DGKQ: variants seen among roughly 807,000 people sequenced by gnomAD.
The protein encoded by DGKQ is DAG kinase theta.
Under a neutral mutation model 104.2 loss-of-function variants are expected in DGKQ, and 97 were observed. That is an observed-to-expected ratio of 0.93 (90% CI 0.79 to 1.10). DGKQ has a LOEUF of 1.10. DGKQ is among the 50% of genes least tolerant of loss of function. The pLI, the probability that DGKQ is intolerant of heterozygous loss-of-function variation, is 0.00. For synonymous variants in DGKQ, 736 were observed against 595.2 expected (o/e 1.24, Z -3.44); for missense variants, 1,465 against 1,352.1 (o/e 1.08, Z -1.31).
intron 13 of DGKQ, among the ~76,000 whole-genome samples, 179 bp from the exon 14 acceptor site, chr4:965,708 C>T (rs544370106): frequency 6.6e-6 from 1 of 152,322 alleles, no homozygotes; most frequent in South Asian, 2.1e-4. Context: ...ACAGGACCCC[C>T]CAGAGGGAGA....
chr4:962,981 C>T (rs1712005366), intron 16 of DGKQ, 61 bp from the exon 17 acceptor site: 1 of 1,550,564 alleles, frequency 6.4e-7, no homozygotes, highest in Non-Finnish European at 8.7e-7. Flanking sequence ...CCCACCCAGG[C>T]TGCCTCTTCC....
chr4:960,113 G>A lies in DGKQ; in HGVS notation c.*507C>T, dbSNP rs983845971. 7.0e-5 allele frequency: 11 copies of A among 157,490 alleles called. No homozygotes were observed. Among genetic ancestry groups the A allele is most frequent in the Admixed American group, 1.9e-4 (3 of 16,132 alleles). The allele number at this position is 157,490 out of a possible 1,614,324, so 9.8% of individuals were successfully genotyped here. ...GCTGCCCACACCTGCTGCCCAGGGC[G>A]GGGAGGTGAGGCTGGAGGGACTGGC... On this transcript the variant is annotated 3_prime_UTR_variant, in exon 23 of 23. Coordinates refer to ENST00000273814, the MANE Select transcript of DGKQ (RefSeq NM_001347.4).
Position 973,537 on chromosome 4 carries a change from G to A in DGKQ, c.-55C>T, listed in dbSNP as rs1248017559. On this transcript the variant is annotated 5_prime_UTR_variant, in exon 1 of 23. Coordinates refer to ENST00000273814, the MANE Select transcript of DGKQ (RefSeq NM_001347.4). ...GGTCCGCGCCGGGGGTACAGGAGCC[G>A]CCGCTCCACGGCCCGGTACACTGCT... is the stretch of plus-strand genomic sequence containing the variant. 6.1e-6 allele frequency: 6 copies of A among 983,514 alleles called. No individual in the cohort carries two copies. Among genetic ancestry groups the A allele is most frequent in the East Asian group, 1.1e-4 (1 of 8,836 alleles). 60.9% of individuals were successfully genotyped at this position (983,514 alleles called of 1,614,324 possible).
chr4:970,188 C>T (rs981882063), intron 2 of DGKQ, among the ~76,000 whole-genome samples: 2 of 152,242 alleles, frequency 1.3e-5, no homozygotes, highest in Non-Finnish European at 2.9e-5. Context: ...GCCGGATGCC[C>T]GCCAGTGGCA....
At chr4:970,017 C>T (rs1011203059) in intron 2 of DGKQ, among the ~76,000 whole-genome samples, 3 of 152,252 alleles carry the variant, frequency 2.0e-5, no homozygotes, top group Admixed American at 1.3e-4. Flanking sequence ...TTTTAAAAAG[C>T]GGCAGCCTCG....
intron 2 of DGKQ, 50 bp downstream of exon 2, chr4:970,943 T>C: frequency 7.0e-7 from 1 of 1,435,146 alleles, no homozygotes; most frequent in South Asian, 1.2e-5. Context: ...CTACGAGAGC[T>C]GACACATCCC....
chr4:962,684 C>CA, intron 17 of DGKQ, 71 bp from the exon 18 acceptor site: 4 of 1,588,994 alleles, frequency 2.5e-6, no homozygotes, highest in Non-Finnish European at 3.4e-6. Context: ...GACCCCACCA[C>CA]GAGGACAGCC....
At position 971,018 on chromosome 4, in the gene DGKQ, G is replaced by C; in HGVS notation, c.326C>G (p.Thr109Arg). 1 of 1,554,132 alleles carries C rather than the reference G, an allele frequency of 6.4e-7. No individual in the cohort carries two copies. Among genetic ancestry groups the C allele is most frequent in the African/African-American group, 1.4e-5 (1 of 73,620 alleles). ...KCLKHVRIPCTSVAPSLVRVP... is the reference protein window; with the variant it reads ...KCLKHVRIPCRSVAPSLVRVP... ...CCGGACCAGGCTGGGTGCCACACTC[G>C]TGCACGGGATCCTCACGTGCTTCAG... Residue 109 changes from threonine to arginine, a missense_variant, in exon 2 of 23, where the codon ACG (threonine) becomes AGG (arginine). By Grantham distance (71) the Thr-to-Arg change is moderately conservative (BLOSUM62 -1). Transcript: ENST00000273814. This position sits in a 1 kb window ranked among gnomAD's most constrained non-coding sequence, Gnocchi z 4.0.
At chr4:962,745 C>A in intron 17 of DGKQ, 27 bp downstream of exon 17, 1 of 1,599,406 alleles carries the variant, frequency 6.3e-7, no homozygotes, top group Non-Finnish European at 8.5e-7. Context: ...CCTGAGGCCC[C>A]CTCCTCGGCT....
Position 962,051 on chromosome 4 carries a change from C to G in DGKQ, c.2246G>C (p.Gly749Ala). Residue 749 changes from glycine to alanine, a missense_variant, in exon 19 of 23, where the codon GGC becomes GCC. Transcript: ENST00000273814. ...GTCCAGGCTCAGCTCCGCGTCGATG[C>G]CAATGCCACAGTAGTTACTCATCTG... ...IVQMSNYCGIGIDAELSLDFH... is the reference protein window; with the variant it reads ...IVQMSNYCGIAIDAELSLDFH... The G allele has an allele frequency of 6.2e-7, 1 of 1,612,784 alleles. No individual in the cohort carries two copies. Among genetic ancestry groups the G allele is most frequent in the Non-Finnish European group, 8.5e-7 (1 of 1,179,956 alleles).
At chr4:962,321 A>G in intron 18 of DGKQ, 114 bp downstream of exon 18, 1 of 1,109,126 alleles carries the variant, frequency 9.0e-7, no homozygotes, top group East Asian at 2.6e-5. Context: ...TGCAGAGGGG[A>G]TGATGCGGGC....
chr4:959,845 TCTGGTGCTGCCAG>T lies in DGKQ; in HGVS notation c.*762_*774del, dbSNP rs1711746452. 6.6e-6 allele frequency: 1 copy of T among 151,370 alleles called. No individual in the cohort carries two copies. Among genetic ancestry groups the T allele is most frequent in the Admixed American group, 6.6e-5 (1 of 15,246 alleles). 9.4% of individuals were successfully genotyped at this position (151,370 alleles called of 1,614,324 possible). ...GCAGACACTCGGGCCCGGCCCACAC[TCTGGTGCTGCCAG>T]GGCAGCACCTGAGACCTCCTAGCCT... On this transcript the variant is annotated 3_prime_UTR_variant, in exon 23 of 23. Coordinates refer to ENST00000273814, the MANE Select transcript of DGKQ (RefSeq NM_001347.4).
chr4:967,368 G>A lies in DGKQ; in HGVS notation c.988-7C>T, dbSNP rs1712470595. 3.3e-6 allele frequency: 5 copies of A among 1,530,280 alleles called. No homozygotes were observed. The highest frequency in any genetic ancestry group is 2.8e-5 in the African/African-American group (2 of 72,700). The allele number at this position is 1,530,280 out of a possible 1,614,324, so 94.8% of individuals were successfully genotyped here. A position where few individuals can be genotyped will look rare whatever the true frequency, so the allele number is the denominator to read the frequency against. On this transcript the variant is annotated splice_polypyrimidine_tract_variant and splice_region_variant and intron_variant, in intron 8 of 22. Coordinates refer to ENST00000273814, the MANE Select transcript of DGKQ (RefSeq NM_001347.4). ...GGGCCCGCAGTGCGGCCTCCTGCAG[G>A]GCACCAGGTTAGAGGGGCCAAGTTG...
intron 2 of DGKQ, among the ~76,000 whole-genome samples, chr4:970,280 G>A (rs889114233): frequency 1.3e-5 from 2 of 152,268 alleles, no homozygotes; most frequent in African/African-American, 4.8e-5. Context: ...CAGCCTGAAC[G>A]CATCAGGGAA....
chr4:960,671 G>T lies in DGKQ; in HGVS notation c.2778C>A (p.Thr926=), dbSNP rs1446692739. 6.2e-7 allele frequency: 1 copy of T among 1,612,274 alleles called. No individual in the cohort carries two copies. Among genetic ancestry groups the T allele is most frequent in the Non-Finnish European group, 8.5e-7 (1 of 1,179,816 alleles). ...AKQKPRRAGT[T]RDARADAAPA... ...GCGCAGCATCCGCCCGGGCATCCCT[G>T]GTGGTCCCGGCCCTCCTCGGCTTCT... is the stretch of plus-strand genomic sequence containing the variant. The change falls in exon 23 of 23, where the codon ACC becomes ACA. Residue 926 remains threonine (T), a synonymous_variant. Transcript: ENST00000273814.
chr4:961,221 C>G lies in DGKQ; in HGVS notation c.2575-20G>C, dbSNP rs1429187490. 3.1e-5 allele frequency: 47 copies of G among 1,527,166 alleles called. No homozygotes were observed. Among genetic ancestry groups the G allele is most frequent in the Non-Finnish European group, 3.7e-5 (42 of 1,138,292 alleles). 94.6% of individuals were successfully genotyped at this position (1,527,166 alleles called of 1,614,324 possible). On this transcript the variant is annotated intron_variant, in intron 21 of 22. Transcript: ENST00000273814. Reference sequence around the variant, plus strand: ...CTGGCCCTGGGGCGGGAGAGGCCAGCCGGGCTCAGCGGGGATCAGGGACGC... The same window carrying G: ...CTGGCCCTGGGGCGGGAGAGGCCAGGCGGGCTCAGCGGGGATCAGGGACGC...
chr4:966,611 G>C, intron 11 of DGKQ, 84 bp from the exon 12 acceptor site: 1 of 1,523,360 alleles, frequency 6.6e-7, no homozygotes. Context: ...AGGGCCCGTG[G>C]GGATGCAGGG....
intron 2 of DGKQ, among the ~76,000 whole-genome samples, chr4:969,494 C>T (rs1184024726): frequency 6.6e-6 from 1 of 152,260 alleles, no homozygotes; most frequent in Non-Finnish European, 1.5e-5. Context: ...GACTCTCGCC[C>T]TTGTCCCCAA....
chr4:965,240 A>G lies in DGKQ; in HGVS notation c.1670T>C (p.Met557Thr), dbSNP rs779858615. ...CCGCACAGCCATGTCCTTCAGCAGC[A>G]TGTACAGCCGCTCGGCCTCCGCAAA... ...ACFAEAERLY[M>T]LLKDMAVRGR... Residue 557 changes from methionine (M) to threonine (T), a missense_variant, in exon 15 of 23, where the codon ATG becomes ACG. By Grantham distance (81) the Met-to-Thr change is moderately conservative (BLOSUM62 -1). Coordinates refer to ENST00000273814, the MANE Select transcript of DGKQ (RefSeq NM_001347.4). 9 of 1,612,664 alleles carry G rather than the reference A, an allele frequency of 5.6e-6. No homozygotes were observed. In the Admixed American group the frequency reaches 1.3e-4, roughly 24 times the overall value.
Sources: gnomAD v4.1 joint callset for allele counts (sites outside exome capture counted in the v4.1 genomes callset) on GRCh38, gnomAD v4.1.1 for gene constraint, Gnocchi (gnomAD v3.1) non-coding constraint, MANE v1.5 for transcripts, NCBI Gene and HGNC (gene_info 2026-07-23, HGNC 2026-07-21) for gene names.